The following CDH13 variants were observed in gnomAD, a reference collection of about 807,000 sequenced individuals.
The protein encoded by CDH13 is cadherin 13, also known as cadherin-13.
In CDH13, 24 loss-of-function variants were observed where a neutral mutation model predicts 63.8. The ratio of observed to expected loss-of-function variants is 0.38; its 90% confidence interval spans 0.27 to 0.53. The LOEUF is 0.53. CDH13 is among the 20% of genes least tolerant of loss of function. The pLI is 0.85. For missense variants in CDH13, 1,049 were observed against 903.1 expected, an observed-to-expected ratio of 1.16 and a Z score of -2.07; for synonymous variants, 503 against 355.3, an observed-to-expected ratio of 1.42 and a Z score of -4.67.
chr16:83,138,028 C>A (rs2036373353), intron 4 of CDH13, among the ~76,000 whole-genome samples: 1 of 151,858 alleles, frequency 6.6e-6, no homozygotes, highest in African/African-American at 2.4e-5. Flanking sequence ...TGCGCTTGGC[C>A]CACTTCTGCA....
intron 1 of CDH13, among the ~76,000 whole-genome samples, chr16:82,808,619 C>T (rs532415666): frequency 6.6e-6 from 1 of 152,198 alleles, no homozygotes; most frequent in East Asian, 1.9e-4. Flanking sequence ...TTTATTTTTT[C>T]ATAAGATGAT....
chr16:83,702,081 A>C lies in CDH13; in HGVS notation c.1538+23620A>C, dbSNP rs191022694. 2.0e-5 allele frequency among the ~76,000 whole-genome samples: 3 copies of C among 152,338 alleles called. No homozygotes were observed. In the East Asian group the frequency reaches 5.8e-4, roughly 29 times the overall value. On this transcript the variant is annotated intron_variant, in intron 10 of 13. Transcript: ENST00000567109. ...AAGAACCCAATACATATTAACTATTATTGTAATCTGTCAAGAATCATCCCA... is the reference window on the plus strand; with the variant it reads ...AAGAACCCAATACATATTAACTATTCTTGTAATCTGTCAAGAATCATCCCA...
intron 10 of CDH13, among the ~76,000 whole-genome samples, chr16:83,693,293 T>G (rs180914014): frequency 7.7e-4 from 117 of 152,246 alleles, no homozygotes; most frequent in African/African-American, 2.8e-3. Flanking sequence ...GGATACAGAA[T>G]AAAAGAATTC....
intron 3 of CDH13, among the ~76,000 whole-genome samples, chr16:83,075,277 C>T (rs1209256323): frequency 6.6e-6 from 1 of 152,192 alleles, no homozygotes; most frequent in Non-Finnish European, 1.5e-5. Flanking sequence ...CACCCCAGTT[C>T]TTGTCTCAGG....
chr16:83,570,946 C>CATATATATATATATATATATAT (rs57586630), intron 7 of CDH13, among the ~76,000 whole-genome samples: 3 of 110,084 alleles, frequency 2.7e-5, no homozygotes, highest in African/African-American at 9.4e-5. Flanking sequence ...ATAACTCATC[C>CATATATATATATATATATATAT]ATATATATAT....
At chr16:82,692,813 C>CGTTG (rs141207361) in intron 1 of CDH13, among the ~76,000 whole-genome samples, 18 of 20,432 alleles carry the variant, frequency 8.8e-4, no homozygotes, top group Non-Finnish European at 2.4e-3. Context: ...CCTGCACAGG[C>CGTTG]ATTTTTAGTA....
chr16:82,860,398 G>C (rs1245294643), intron 2 of CDH13, among the ~76,000 whole-genome samples: 1 of 124,364 alleles, frequency 8.0e-6, no homozygotes, highest in African/African-American at 3.1e-5. Context: ...TGGGGGGGGG[G>C]GCGGCGGTGT....
At chr16:83,467,841 C>T (rs1275978708) in intron 6 of CDH13, among the ~76,000 whole-genome samples, 1 of 152,100 alleles carries the variant, frequency 6.6e-6, no homozygotes, top group Non-Finnish European at 1.5e-5. Flanking sequence ...TCCTGGGGTC[C>T]GATGTGCACA....
chr16:83,673,143 C>T (rs976639542), intron 9 of CDH13, among the ~76,000 whole-genome samples: 2 of 152,178 alleles, frequency 1.3e-5, no homozygotes, highest in Non-Finnish European at 2.9e-5. Context: ...CACATAAGCA[C>T]GTATTAACAA....
chr16:83,697,082 G>C (rs1905506445), intron 10 of CDH13, among the ~76,000 whole-genome samples: 1 of 152,130 alleles, frequency 6.6e-6, no homozygotes, highest in African/African-American at 2.4e-5. Context: ...TTGAATTCCA[G>C]TCGATCCTTA....
At chr16:83,573,582 G>T (rs1265179003) in intron 7 of CDH13, among the ~76,000 whole-genome samples, 1 of 152,144 alleles carries the variant, frequency 6.6e-6, no homozygotes, top group East Asian at 1.9e-4. Context: ...ACTTAACAAA[G>T]GGGCCTATGC....
chr16:83,650,010 G>A (rs1000981255), intron 8 of CDH13, among the ~76,000 whole-genome samples: 1 of 152,136 alleles, frequency 6.6e-6, no homozygotes, highest in Non-Finnish European at 1.5e-5. Flanking sequence ...TGGACAAAAT[G>A]GAAAATGCGG....
chr16:82,677,922 A>G (rs1186589707), intron 1 of CDH13, among the ~76,000 whole-genome samples: 1 of 152,172 alleles, frequency 6.6e-6, no homozygotes, highest in East Asian at 1.9e-4. Context: ...TCTCTAAATG[A>G]TTGATGTCTG....
intron 3 of CDH13, among the ~76,000 whole-genome samples, chr16:83,052,690 T>C (rs1002535431): frequency 2.8e-5 from 4 of 144,228 alleles, no homozygotes; most frequent in African/African-American, 7.8e-5. Flanking sequence ...TGAGGCAGAA[T>C]TGCTTGAACC....
intron 6 of CDH13, among the ~76,000 whole-genome samples, chr16:83,431,372 T>C (rs1466605047): frequency 6.6e-6 from 1 of 151,916 alleles, no homozygotes; most frequent in Non-Finnish European, 1.5e-5. Context: ...TCCTATCTCC[T>C]TATCATTTAT....
intron 6 of CDH13, among the ~76,000 whole-genome samples, chr16:83,386,412 C>G (rs925915203): frequency 2.6e-5 from 4 of 152,122 alleles, no homozygotes; most frequent in Admixed American, 2.0e-4. Context: ...ATGGCTCAAG[C>G]TGAGACTTGA....
At chr16:83,581,991 C>T (rs894344224) in intron 7 of CDH13, among the ~76,000 whole-genome samples, 1 of 152,178 alleles carries the variant, frequency 6.6e-6, no homozygotes, top group Non-Finnish European at 1.5e-5. Context: ...TTGTCTATGG[C>T]TCTGTCCACA....
chr16:83,098,529 G>A (rs1226981269), intron 3 of CDH13, among the ~76,000 whole-genome samples: 1 of 152,168 alleles, frequency 6.6e-6, no homozygotes, highest in African/African-American at 2.4e-5. Flanking sequence ...TTCTTACAAT[G>A]AGGTTCTGCT....
chr16:82,796,866 C>A (rs918134250), intron 1 of CDH13, among the ~76,000 whole-genome samples: 6 of 152,210 alleles, frequency 3.9e-5, no homozygotes, highest in Admixed American at 2.6e-4. Flanking sequence ...TTCAGTGTTT[C>A]TCCAACGGCT....
Sources: gnomAD v4.1 joint callset for allele counts (sites outside exome capture counted in the v4.1 genomes callset) on GRCh38, gnomAD v4.1.1 for gene constraint, MANE v1.5 for transcripts, NCBI Gene and HGNC (gene_info 2026-07-23, HGNC 2026-07-21) for gene names.